POLD2: variants seen among roughly 807,000 people sequenced by gnomAD.
POLD2 encodes the protein DNA polymerase delta subunit 2.
In POLD2, 31 loss-of-function variants were observed where a neutral mutation model predicts 48.8. That is an observed-to-expected ratio of 0.64 (90% confidence interval 0.48 to 0.86). POLD2 has a LOEUF of 0.86. Ranked by LOEUF, POLD2 falls within the 40% of genes least tolerant of loss-of-function variation. The pLI is 0.00. For missense variants in POLD2, 455 were observed against 610.1 expected, an observed-to-expected ratio of 0.75 and a Z score of 2.68; for synonymous variants, 233 against 256.3, an observed-to-expected ratio of 0.91 and a Z score of 0.87.
At position 44,116,035 on chromosome 7, in the gene POLD2, T is replaced by C; in HGVS notation, c.1019+80A>G. On this transcript the variant is annotated intron_variant, in intron 8 of 10. Transcript: ENST00000610533. The surrounding 1 kb of genome is among the most constrained non-coding windows in gnomAD (Gnocchi z 6.1). ...GGCCTCTGCAGCCCTGCCACCTTCCTGGGCCCTCCCTCCCCTCCCTTCTTT... is the reference window on the plus strand; with the variant it reads ...GGCCTCTGCAGCCCTGCCACCTTCCCGGGCCCTCCCTCCCCTCCCTTCTTT... The C allele has an allele frequency of 6.2e-7, 1 of 1,600,680 alleles. No homozygotes were observed. The highest frequency in any genetic ancestry group is 8.6e-7 in the Non-Finnish European group (1 of 1,169,362).
At chr7:44,122,462 G>T in intron 1 of POLD2, 1 of 1,037,942 alleles carries the variant, frequency 9.6e-7, no homozygotes, top group Non-Finnish European at 1.2e-6. Flanking sequence ...TCCGGCACCT[G>T]TCTCATTTCC....
rs1361314781 is a variant in POLD2 at position 44,116,628 on chromosome 7, C to G, written c.781-118G>C. The G allele has an allele frequency of 9.8e-7, 1 of 1,019,430 alleles. No homozygotes were observed. Among genetic ancestry groups the G allele is most frequent in the African/African-American group, 1.6e-5 (1 of 62,910 alleles). The allele number at this position is 1,019,430 out of a possible 1,614,324, so 63.1% of individuals were successfully genotyped here. A position where few individuals can be genotyped will look rare whatever the true frequency, so the allele number is the denominator to read the frequency against. Reference sequence around the variant, plus strand: ...CCCATAGACCCTCACTCCCTTCAAGCCTCCCACCATCCTCAGCGAGGGCCT... The same window carrying G: ...CCCATAGACCCTCACTCCCTTCAAGGCTCCCACCATCCTCAGCGAGGGCCT... On this transcript the variant is annotated intron_variant, in intron 6 of 10. Coordinates refer to ENST00000610533, the MANE Select transcript of POLD2 (RefSeq NM_006230.4). The surrounding 1 kb of genome is among the most constrained non-coding windows in gnomAD (Gnocchi z 6.1).
rs2096246777 is a variant in POLD2 at position 44,120,457 on chromosome 7, C to A, written c.220+1377G>T. Among the ~76,000 whole-genome samples the A allele has an allele frequency of 3.3e-5, 5 of 152,218 alleles. 1 individual carries two copies. In the South Asian group the frequency reaches 6.2e-4, roughly 19 times the overall value. On this transcript the variant is annotated intron_variant, in intron 2 of 10. Transcript: ENST00000610533. Reference sequence around the variant, plus strand: ...AGCTACCGGAGCCGCAGGAGGGAGCCCCTGATTATGTGGGAGAGGAGAGGT... The same window carrying A: ...AGCTACCGGAGCCGCAGGAGGGAGCACCTGATTATGTGGGAGAGGAGAGGT...
rs772415602 is a variant in POLD2, at chr7:44,118,073, C to T, written c.221-9G>A. 8.7e-6 allele frequency: 14 copies of T among 1,613,640 alleles called. No individual in the cohort carries two copies. The highest frequency in any genetic ancestry group is 6.7e-5 in the Admixed American group (4 of 59,952). On this transcript the variant is annotated splice_polypyrimidine_tract_variant and intron_variant, in intron 2 of 10. Transcript: ENST00000610533. Reference sequence around the variant, plus strand: ...CACTCCCACTCCACTGCCTGGGACACGAGGGGTACAGACTCAGAGATGAAG... The same window carrying T: ...CACTCCCACTCCACTGCCTGGGACATGAGGGGTACAGACTCAGAGATGAAG...
Position 44,116,242 on chromosome 7 carries a change from C to T in POLD2, c.892G>A (p.Glu298Lys), listed in dbSNP as rs1420862721. Reference protein sequence around the residue: ...ASVPVDVMPGEFDPTNYTLPQ... With the variant: ...ASVPVDVMPGKFDPTNYTLPQ... ...AGCGTGTAATTGGTGGGATCAAACTCGCCTGGCATCACGTCCACGGGCACT... is the reference window on the plus strand; with the variant it reads ...AGCGTGTAATTGGTGGGATCAAACTTGCCTGGCATCACGTCCACGGGCACT... The change falls in exon 8 of 11, where the codon GAG becomes AAG. Residue 298 changes from glutamate to lysine, a missense_variant. Physicochemically the swap from Glu to Lys is moderately conservative, Grantham distance 56 (BLOSUM62 1). Around this residue, in one of 3 missense-constraint regions of POLD2, gnomAD observed 349 missense variants for 437.4 expected, o/e 0.80. Coordinates refer to ENST00000610533, the MANE Select transcript of POLD2 (RefSeq NM_006230.4). The surrounding 1 kb of genome is among the most constrained non-coding windows in gnomAD (Gnocchi z 6.1). 1.1e-5 allele frequency: 17 copies of T among 1,612,340 alleles called. No individual in the cohort carries two copies. The highest frequency in any genetic ancestry group is 1.1e-5 in the South Asian group (1 of 90,830).
chr7:44,123,656 C>A (rs75300891), upstream of POLD2: 2,296 of 1,381,670 alleles, frequency 1.7e-3, 32 homozygotes, highest in African/African-American at 0.031. Context: ...GGCGCCTCAT[C>A]CCGCCGACCA....
chr7:44,123,452 G>C (rs1420490199), intron 1 of POLD2, 59 bp downstream of exon 1: 1 of 1,490,592 alleles, frequency 6.7e-7, no homozygotes, highest in East Asian at 2.9e-5. Flanking sequence ...CCAGGAGCCC[G>C]GCCTCGCGGC....
Position 44,116,675 on chromosome 7 carries a change from A to G in POLD2, c.780+142T>C. 9.9e-7 allele frequency: 1 copy of G among 1,013,928 alleles called. No individual in the cohort carries two copies. Among genetic ancestry groups the G allele is most frequent in the Non-Finnish European group, 1.5e-6 (1 of 682,222 alleles). The allele number at this position is 1,013,928 out of a possible 1,614,324, so 62.8% of individuals were successfully genotyped here. On this transcript the variant is annotated intron_variant, in intron 6 of 10. Coordinates refer to ENST00000610533, the MANE Select transcript of POLD2 (RefSeq NM_006230.4). The surrounding 1 kb of genome is among the most constrained non-coding windows in gnomAD (Gnocchi z 6.1). ...GCCTGGGCATGAGGAGCCCCATTGC[A>G]GGAGGCCCCAGAGTCACTGCAGGGC...
At chr7:44,123,779 C>T (rs779215026), upstream of POLD2, 11 of 1,220,484 alleles carry the variant, frequency 9.0e-6, no homozygotes, top group Admixed American at 4.2e-5. Context: ...GGTTGGCGGC[C>T]GCGCGTGCAG....
upstream of POLD2, chr7:44,123,683 T>C: frequency 2.2e-6 from 3 of 1,356,744 alleles, no homozygotes; most frequent in Non-Finnish European, 2.8e-6. Context: ...GCCCAGTCCC[T>C]GGGACGCCCA....
At chr7:44,120,840 A>G (rs1349784284) in intron 2 of POLD2, among the ~76,000 whole-genome samples, 15 of 152,194 alleles carry the variant, frequency 9.9e-5, no homozygotes, top group Admixed American at 9.2e-4. Context: ...TCTTTTCTTT[A>G]TAAATTACCC....
At position 44,121,851 on chromosome 7, in the gene POLD2, C is replaced by T. The variant is rs745997170; in HGVS notation, c.203G>A (p.Arg68Gln). 1.9e-5 allele frequency: 30 copies of T among 1,612,868 alleles called. No individual in the cohort carries two copies. The Admixed American group carries it at 2.3e-4, about 13-fold the overall frequency. ...LIQMRPFLEN[R>Q]AQQHWGSGVG... ...TCACTTACCCCAGTGCTGCTGGGCC[C>T]GGTTCTCCAGGAAGGGTCTCATTTG... is the stretch of plus-strand genomic sequence containing the variant. The change falls in exon 2 of 11, where the codon CGG becomes CAG. Residue 68 changes from arginine (R) to glutamine (Q), a missense_variant. Physicochemically the swap from Arg to Gln is conservative, Grantham distance 43. Around this residue, in one of 3 missense-constraint regions of POLD2, gnomAD observed 349 missense variants for 437.4 expected, o/e 0.80. Coordinates refer to ENST00000610533, the MANE Select transcript of POLD2 (RefSeq NM_006230.4). The surrounding 1 kb of genome is among the most constrained non-coding windows in gnomAD (Gnocchi z 4.5).
Position 44,116,735 on chromosome 7 carries a change from C to G in POLD2, c.780+82G>C, listed in dbSNP as rs966972395. The G allele has an allele frequency of 6.1e-6, 9 of 1,478,072 alleles. No individual in the cohort carries two copies. In the African/African-American group the frequency reaches 6.9e-5, roughly 11 times the overall value. The allele number at this position is 1,478,072 out of a possible 1,614,324, so 91.6% of individuals were successfully genotyped here. A position where few individuals can be genotyped will look rare whatever the true frequency, so the allele number is the denominator to read the frequency against. On this transcript the variant is annotated intron_variant, in intron 6 of 10. Transcript: ENST00000610533. The surrounding 1 kb of genome is among the most constrained non-coding windows in gnomAD (Gnocchi z 6.1). ...CGACCTGCGAGACCTCACAGGGTAC[C>G]CTACTCGCCCTGGGGAAGGAGGGTC...
chr7:44,121,803 G>A lies in POLD2; in HGVS notation c.220+31C>T. 1.3e-6 allele frequency: 2 copies of A among 1,593,776 alleles called. No individual in the cohort carries two copies. Among genetic ancestry groups the A allele is most frequent in the Non-Finnish European group, 1.7e-6 (2 of 1,166,780 alleles). On this transcript the variant is annotated intron_variant, in intron 2 of 10. Transcript: ENST00000610533. The surrounding 1 kb of genome is among the most constrained non-coding windows in gnomAD (Gnocchi z 4.5). ...ACACTTCTAAGTTCAGGGATGCTGT[G>A]GGGGAAGCACCTTCCCAAACTCTCA...
chr7:44,123,753 G>A, upstream of POLD2: 2 of 1,311,664 alleles, frequency 1.5e-6, no homozygotes, highest in Non-Finnish European at 2.0e-6. Context: ...CTCGCAGGCC[G>A]GCGCCGCGGG....
In POLD2 at chr7:44,117,912, G is replaced by C. The variant is rs758053333; in HGVS notation, c.342+31C>G. Reference sequence around the variant, plus strand: ...TTCTAGTGGGAGGCCAGGTCTGCCTGGCGGCCCCACTGTGTAGCACCCTGC... The same window carrying C: ...TTCTAGTGGGAGGCCAGGTCTGCCTCGCGGCCCCACTGTGTAGCACCCTGC... On this transcript the variant is annotated intron_variant, in intron 3 of 10. Coordinates refer to ENST00000610533, the MANE Select transcript of POLD2 (RefSeq NM_006230.4). The C allele has an allele frequency of 6.8e-6, 11 of 1,609,470 alleles. No homozygotes were observed. The South Asian group carries it at 1.2e-4, about 18-fold the overall frequency.
intron 2 of POLD2, among the ~76,000 whole-genome samples, chr7:44,119,938 C>T (rs763894640): frequency 6.6e-6 from 1 of 152,192 alleles, no homozygotes; most frequent in Non-Finnish European, 1.5e-5. Flanking sequence ...AACACTTCAG[C>T]TGACAGTGGG....
intron 3 of POLD2, 87 bp downstream of exon 3, chr7:44,117,856 G>A (rs2096242685): frequency 6.3e-7 from 1 of 1,594,652 alleles, no homozygotes; most frequent in South Asian, 1.1e-5. Flanking sequence ...CTCTGAACCT[G>A]CTTCCCCACA....
chr7:44,114,930 G>A lies in POLD2; in HGVS notation c.1265C>T (p.Thr422Ile). The A allele has an allele frequency of 1.2e-6, 2 of 1,608,208 alleles. No individual in the cohort carries two copies. The highest frequency in any genetic ancestry group is 1.3e-5 in the African/African-American group (1 of 74,944). Residue 422 changes from threonine (T) to isoleucine (I), a missense_variant, in exon 11 of 11, where the codon ACA becomes ATA. Physicochemically the swap from Thr to Ile is moderately conservative, Grantham distance 89. This residue lies in a region of POLD2 where 98 missense variants were observed against 138.6 expected (regional missense o/e 0.71). Transcript: ENST00000610533. ...SKIIRGPEDQ[T>I]VLLVTVPDFS... ...GTCAGGGACAGTCACCAACAGCACT[G>A]TCTGGTCCTCAGGACCTGCAAAGAA...
Sources: gnomAD v4.1 joint callset for allele counts (sites outside exome capture counted in the v4.1 genomes callset) on GRCh38, gnomAD v4.1.1 for gene constraint, gnomAD v4.1.1 regional missense constraint, Gnocchi (gnomAD v3.1) non-coding constraint, MANE v1.5 for transcripts, NCBI Gene and HGNC (gene_info 2026-07-23, HGNC 2026-07-21) for gene names.